Variants in ATP8A1 observed in about 807,000 individuals in gnomAD.
ATP8A1 encodes the protein ATPase phospholipid transporting 8A1.
ATP8A1 carries 90 observed loss-of-function variants against 177.7 expected under a neutral mutation model. The ratio of observed to expected loss-of-function variants is 0.51; its 90% CI spans 0.43 to 0.60. ATP8A1 has a LOEUF of 0.60. Among genes scored for constraint, ATP8A1 ranks in the 20% least tolerant of loss-of-function variants. The pLI, the probability that ATP8A1 is intolerant of heterozygous loss-of-function variation, is 0.00. For synonymous variants in ATP8A1, 493 were observed against 485.9 expected, an observed-to-expected ratio of 1.01 and a Z score of -0.19; for missense variants, 1,072 against 1,392.8, an observed-to-expected ratio of 0.77 and a Z score of 3.67.
intron 33 of ATP8A1, among the ~76,000 whole-genome samples, chr4:42,442,621 A>G (rs1322626370): frequency 6.6e-6 from 1 of 152,214 alleles, no homozygotes; most frequent in African/African-American, 2.4e-5. Context: ...TTAACCACAA[A>G]TTTTTAAAAA....
At chr4:42,496,810 CCA>C (rs912204737) in intron 24 of ATP8A1, among the ~76,000 whole-genome samples, 6 of 151,446 alleles carry the variant, frequency 4.0e-5, no homozygotes, top group African/African-American at 1.5e-4. Flanking sequence ...ATACCCCCCC[CCA>C]CACATATATA....
intron 14 of ATP8A1, among the ~76,000 whole-genome samples, chr4:42,574,270 C>A (rs1732190990): frequency 6.6e-6 from 1 of 152,072 alleles, no homozygotes; most frequent in East Asian, 1.9e-4. Flanking sequence ...GAAAACTGCT[C>A]AAGGCCTGAT....
At chr4:42,469,851 C>CAT (rs35669480) in intron 25 of ATP8A1, among the ~76,000 whole-genome samples, 80,487 of 151,914 alleles carry the variant, frequency 0.53, 21,871 homozygotes, top group East Asian at 0.8. Flanking sequence ...ATACAATTTC[C>CAT]ATGAGTCTAG....
intron 8 of ATP8A1, 43 bp from the exon 9 acceptor site, chr4:42,586,519 T>A (rs1389071649): frequency 6.3e-7 from 1 of 1,591,270 alleles, no homozygotes; most frequent in South Asian, 1.1e-5. Context: ...ATTAAATAAG[T>A]TGTATCTGGG....
chr4:42,549,652 A>G lies in ATP8A1; in HGVS notation c.1603-590T>C, dbSNP rs1386195646. Among the ~76,000 whole-genome samples the G allele has an allele frequency of 2.0e-5, 3 of 151,948 alleles. No individual in the cohort carries two copies. The East Asian group carries it at 5.8e-4, about 29-fold the overall frequency. Reference sequence around the variant, plus strand: ...AAAAAAATAAATTAAAAAAAATATCAGGTGCGGTGGCACATGCCTATCTAT... The same window carrying G: ...AAAAAAATAAATTAAAAAAAATATCGGGTGCGGTGGCACATGCCTATCTAT... On this transcript the variant is annotated intron_variant, in intron 18 of 36. Transcript: ENST00000381668.
chr4:42,525,203 A>G (rs1381325977), intron 20 of ATP8A1, among the ~76,000 whole-genome samples: 2 of 152,242 alleles, frequency 1.3e-5, no homozygotes, highest in Admixed American at 1.3e-4. Flanking sequence ...AGAACGGTCC[A>G]GAACTCAAGT....
chr4:42,636,180 C>A (rs1229407421), intron 1 of ATP8A1, among the ~76,000 whole-genome samples: 1 of 102,724 alleles, frequency 9.7e-6, no homozygotes, highest in African/African-American at 3.5e-5. Context: ...ACATAAGCTT[C>A]TTAAGCTGGA....
intron 21 of ATP8A1, among the ~76,000 whole-genome samples, chr4:42,522,953 G>C (rs1726294204): frequency 6.6e-6 from 1 of 152,066 alleles, no homozygotes; most frequent in South Asian, 2.1e-4. Flanking sequence ...CATAGTGGCT[G>C]ACTTATTATA....
Position 42,414,690 on chromosome 4 carries a change from T to C in ATP8A1, c.3334A>G (p.Asn1112Asp). Residue 1112 changes from asparagine (N) to aspartate (D), a missense_variant, in exon 36 of 37, where the codon AAC becomes GAC. Transcript: ENST00000381668. The stretch of plus-strand genomic sequence containing the variant: ...TTCACGTGGTTCTTCTTAAAGACGT[T>C]CTTGAGCAGTTGCGCCCTCTCGGTC... ...SLTERAQLLKNVFKKNHVNLY... is the reference protein window; with the variant it reads ...SLTERAQLLKDVFKKNHVNLY... 6.2e-7 allele frequency: 1 copy of C among 1,613,942 alleles called. No homozygotes were observed. The highest frequency in any genetic ancestry group is 8.5e-7 in the Non-Finnish European group (1 of 1,179,846).
At chr4:42,535,161 A>G (rs1326967317) in intron 20 of ATP8A1, among the ~76,000 whole-genome samples, 1 of 152,212 alleles carries the variant, frequency 6.6e-6, no homozygotes, top group East Asian at 1.9e-4. Context: ...ACGTGTCAAT[A>G]CTAACATTGA....
At chr4:42,425,570 G>A in intron 33 of ATP8A1, among the ~76,000 whole-genome samples, 1 of 152,230 alleles carries the variant, frequency 6.6e-6, no homozygotes, top group East Asian at 1.9e-4. Context: ...AAGAGGGGGG[G>A]AAAAATAAAA....
chr4:42,438,976 A>T (rs888924189), intron 33 of ATP8A1, among the ~76,000 whole-genome samples: 3 of 152,166 alleles, frequency 2.0e-5, no homozygotes, highest in African/African-American at 7.2e-5. Context: ...GGGAGCAAGG[A>T]TTTTCTTTCA....
At chr4:42,565,156 T>C (rs951145586) in intron 15 of ATP8A1, among the ~76,000 whole-genome samples, 2 of 152,212 alleles carry the variant, frequency 1.3e-5, no homozygotes, top group Non-Finnish European at 2.9e-5. Flanking sequence ...CAGTCTTGGG[T>C]ATGTCTTTAT....
chr4:42,535,152 C>T (rs867094934), intron 20 of ATP8A1, among the ~76,000 whole-genome samples: 26 of 152,152 alleles, frequency 1.7e-4, no homozygotes, highest in Middle Eastern at 6.8e-3. Flanking sequence ...TAGAACCTTA[C>T]GTGTCAATAC....
intron 30 of ATP8A1, 58 bp from the exon 31 acceptor site, chr4:42,446,702 CAA>C: frequency 7.0e-7 from 1 of 1,427,638 alleles, no homozygotes; most frequent in Admixed American, 1.8e-5. Context: ...AGAATCTTTT[CAA>C]AGATATTCAG....
chr4:42,627,490 A>C (rs749759018), intron 1 of ATP8A1, among the ~76,000 whole-genome samples: 23 of 152,252 alleles, frequency 1.5e-4, no homozygotes, highest in Non-Finnish European at 3.2e-4. Context: ...CAAAAATTAA[A>C]GCATATGCAT....
chr4:42,436,633 G>C (rs1021802419), intron 33 of ATP8A1, among the ~76,000 whole-genome samples: 2 of 152,164 alleles, frequency 1.3e-5, no homozygotes, highest in Admixed American at 1.3e-4. Context: ...TTACTGGATG[G>C]ACTCACAGTC....
chr4:42,425,102 G>A (rs1022545635), intron 33 of ATP8A1, among the ~76,000 whole-genome samples: 2 of 152,108 alleles, frequency 1.3e-5, no homozygotes, highest in African/African-American at 4.8e-5. Flanking sequence ...TTTCTAGTAA[G>A]GTAACAACTG....
At chr4:42,643,525 C>G (rs141097785) in intron 1 of ATP8A1, among the ~76,000 whole-genome samples, 149 of 152,204 alleles carry the variant, frequency 9.8e-4, no homozygotes, top group African/African-American at 3.5e-3. Flanking sequence ...TAGCCATCAA[C>G]AAATCTGTTG....
Sources: gnomAD v4.1 joint callset for allele counts (sites outside exome capture counted in the v4.1 genomes callset) on GRCh38, gnomAD v4.1.1 for gene constraint, MANE v1.5 for transcripts, NCBI Gene and HGNC (gene_info 2026-07-23, HGNC 2026-07-21) for gene names.